The following RAD50 variants were observed in gnomAD, a reference collection of about 807,000 sequenced individuals.
The protein encoded by RAD50 is DNA repair protein RAD50.
In RAD50, 132 loss-of-function variants were observed where a neutral mutation model predicts 168.8. That is an observed-to-expected ratio of 0.78 (90% CI 0.68 to 0.90). RAD50 has a LOEUF of 0.90. RAD50 is among the 40% of genes least tolerant of loss of function. The pLI, the probability that RAD50 is intolerant of heterozygous loss-of-function variation, is 0.00. For missense variants in RAD50, 1,347 were observed against 1,534.4 expected (o/e 0.88, Z 2.04); for synonymous variants, 525 against 497.4 (o/e 1.06, Z -0.74).
In RAD50 at chr5:132,616,027, A is replaced by G. The variant is rs786202957; in HGVS notation, c.3061A>G (p.Asn1021Asp). ...QKIQERWLQD[N>D]LTLRKRNEEL... ...GATACAAGAAAGGTGGCTACAAGATAACCTTACTTTAAGAAAAAGAAATGA... is the reference window on the plus strand; with the variant it reads ...GATACAAGAAAGGTGGCTACAAGATGACCTTACTTTAAGAAAAAGAAATGA... The change falls in exon 20 of 25, where the codon AAC becomes GAC. Residue 1021 changes from asparagine (N) to aspartate (D), a missense_variant. Transcript: ENST00000378823. The G allele has an allele frequency of 5.0e-6, 8 of 1,592,528 alleles. No individual in the cohort carries two copies. Among genetic ancestry groups the G allele is most frequent in the African/African-American group, 1.3e-5 (1 of 74,412 alleles).
intron 9 of RAD50, among the ~76,000 whole-genome samples, chr5:132,590,511 A>T (rs1272657017): frequency 6.6e-6 from 1 of 152,126 alleles, no homozygotes; most frequent in Non-Finnish European, 1.5e-5. Context: ...TTAAAAAAGC[A>T]AGTATTTTTC....
At chr5:132,631,143 C>T (rs1052639719) in intron 21 of RAD50, among the ~76,000 whole-genome samples, 7 of 123,708 alleles carry the variant, frequency 5.7e-5, no homozygotes, top group African/African-American at 2.2e-4. Context: ...TTTTTTAAGA[C>T]AGAGTCTGGC....
chr5:132,581,689 A>G (rs151148903), intron 5 of RAD50, among the ~76,000 whole-genome samples: 3 of 152,330 alleles, frequency 2.0e-5, no homozygotes, highest in African/African-American at 7.2e-5. Context: ...AAGTAAATCA[A>G]TATAAAAGGA....
intron 2 of RAD50, among the ~76,000 whole-genome samples, chr5:132,560,352 G>A (rs1750103424): frequency 6.6e-6 from 1 of 151,836 alleles, no homozygotes; most frequent in African/African-American, 2.4e-5. Flanking sequence ...ATTATTATTT[G>A]TTTCTACCTT....
chr5:132,606,209 A>G (rs1367631895), intron 16 of RAD50, among the ~76,000 whole-genome samples: 2 of 152,322 alleles, frequency 1.3e-5, no homozygotes, highest in East Asian at 3.9e-4. Context: ...AAAAAGATCA[A>G]CAAAATAGAC....
intron 2 of RAD50, among the ~76,000 whole-genome samples, chr5:132,572,758 G>A (rs1266602564): frequency 6.6e-6 from 1 of 152,128 alleles, no homozygotes; most frequent in Non-Finnish European, 1.5e-5. Context: ...TACAGTTTCT[G>A]TATATTCCCT....
At chr5:132,598,197 G>A (rs1351354102) in intron 13 of RAD50, among the ~76,000 whole-genome samples, 4 of 151,950 alleles carry the variant, frequency 2.6e-5, no homozygotes, top group African/African-American at 4.8e-5. Context: ...ACAGGCGCAC[G>A]TCACCAGGCT....
At chr5:132,637,694 G>A (rs889499630) in intron 22 of RAD50, among the ~76,000 whole-genome samples, 3 of 152,094 alleles carry the variant, frequency 2.0e-5, no homozygotes, top group Non-Finnish European at 4.4e-5. Flanking sequence ...TCCCACACCT[G>A]GCTAATTTTT....
chr5:132,630,391 T>G (rs1383938190), intron 21 of RAD50, among the ~76,000 whole-genome samples: 1 of 152,178 alleles, frequency 6.6e-6, no homozygotes, highest in African/African-American at 2.4e-5. Context: ...TTTACAGTTT[T>G]GCATCCAAGG....
chr5:132,619,125 T>C (rs1751229866), intron 21 of RAD50, among the ~76,000 whole-genome samples: 1 of 152,210 alleles, frequency 6.6e-6, no homozygotes, highest in South Asian at 2.1e-4. Flanking sequence ...CACAATGCAT[T>C]CATTCTCCTA....
intron 2 of RAD50, among the ~76,000 whole-genome samples, chr5:132,561,763 A>C (rs1750128221): frequency 6.6e-6 from 1 of 152,126 alleles, no homozygotes; most frequent in Non-Finnish European, 1.5e-5. Flanking sequence ...TCCTGCCTAC[A>C]TTCTCAGCTC....
chr5:132,629,295 C>T (rs1240483908), intron 21 of RAD50, among the ~76,000 whole-genome samples: 1 of 152,162 alleles, frequency 6.6e-6, no homozygotes, highest in African/African-American at 2.4e-5. Flanking sequence ...GACAGTCTGT[C>T]TGATGGAGAC....
At chr5:132,634,130 G>A (rs1375956587) in intron 21 of RAD50, among the ~76,000 whole-genome samples, 1 of 151,888 alleles carries the variant, frequency 6.6e-6, no homozygotes, top group African/African-American at 2.4e-5. Context: ...GTTTCTGTTT[G>A]GATTGCATTT....
intron 2 of RAD50, among the ~76,000 whole-genome samples, chr5:132,559,923 G>A (rs541902139): frequency 6.6e-6 from 1 of 152,208 alleles, no homozygotes; most frequent in East Asian, 1.9e-4. Flanking sequence ...AGAAAAAAAA[G>A]TATCATGATA....
intron 11 of RAD50, 26 bp downstream of exon 11, chr5:132,592,060 A>G (rs1439894483): frequency 3.1e-6 from 5 of 1,587,970 alleles, no homozygotes; most frequent in Middle Eastern, 1.7e-4. Context: ...TGGAGATGTA[A>G]TAGAAATCTC....
At position 132,592,364 on chromosome 5, in the gene RAD50, G is replaced by A. The variant is rs184188740; in HGVS notation, c.1793+330G>A. Among the ~76,000 whole-genome samples, 104 of 152,188 alleles carry A rather than the reference G, an allele frequency of 6.8e-4. 1 individual carries two copies. Among genetic ancestry groups the A allele is most frequent in the Admixed American group, 2.6e-3 (39 of 15,274 alleles). On this transcript the variant is annotated intron_variant, in intron 11 of 24. Transcript: ENST00000378823. ...TTTTACATTGCTAGCATAAAAATGG[G>A]TGCCCTTTAAAGATTTTTTTAAGAT...
Position 132,642,225 on chromosome 5 carries a change from T to C in RAD50, c.3800T>C (p.Ile1267Thr). 6.2e-7 allele frequency: 1 copy of C among 1,614,202 alleles called. No individual in the cohort carries two copies. The highest frequency in any genetic ancestry group is 8.5e-7 in the Non-Finnish European group (1 of 1,180,010). ...CAGCGTAACTTCCAGCTTCTGGTAA[T>C]CACTCATGATGAAGATTTTGTGGAG... ...SQQRNFQLLV[I>T]THDEDFVELL... Residue 1267 changes from isoleucine (I) to threonine (T), a missense_variant, in exon 25 of 25, where the codon ATC becomes ACC. Coordinates refer to ENST00000378823, the MANE Select transcript of RAD50 (RefSeq NM_005732.4).
At position 132,644,078 on chromosome 5, in the gene RAD50, A is replaced by G. The variant is rs1561663118; in HGVS notation, c.*1714A>G. The stretch of plus-strand genomic sequence containing the variant: ...ATATTAAAGCCAGTTACCTTCTATC[A>G]ACATGTTAATGAAAGTGCTAGTTGT... On this transcript the variant is annotated 3_prime_UTR_variant, in exon 25 of 25. Transcript: ENST00000378823. The G allele has an allele frequency of 4.9e-6, 1 of 202,336 alleles. No homozygotes were observed. Among genetic ancestry groups the G allele is most frequent in the Non-Finnish European group, 1.0e-5 (1 of 98,516 alleles). 12.5% of individuals were successfully genotyped at this position (202,336 alleles called of 1,614,324 possible). A position where few individuals can be genotyped will look rare whatever the true frequency, so the allele number is the denominator to read the frequency against.
At position 132,557,058 on chromosome 5, in the gene RAD50, C is replaced by G; in HGVS notation, c.-267C>G. The G allele has an allele frequency of 1.5e-6, 1 of 648,104 alleles. No individual in the cohort carries two copies. The highest frequency in any genetic ancestry group is 2.5e-6 in the Non-Finnish European group (1 of 400,070). The allele number at this position is 648,104 out of a possible 1,614,324, so 40.1% of individuals were successfully genotyped here. On this transcript the variant is annotated 5_prime_UTR_variant, in exon 1 of 25. Coordinates refer to ENST00000378823, the MANE Select transcript of RAD50 (RefSeq NM_005732.4). ...CATTGTGGCTACGGCTTTGCGTCCC[C>G]GGCGGGCAGCCCCAGGCTGGTCCCC...
Sources: allele counts gnomAD v4.1 joint callset (sites outside exome capture counted in the v4.1 genomes callset), GRCh38; gene constraint gnomAD v4.1.1; transcripts MANE v1.5; gene names NCBI Gene and HGNC (gene_info 2026-07-23, HGNC 2026-07-21).